The following CADM1 variants were observed in gnomAD, a reference collection of about 807,000 sequenced individuals.
The protein encoded by CADM1 is cell adhesion molecule 1.
CADM1 carries 15 observed loss-of-function variants against 53.1 expected under a neutral mutation model. That is an observed-to-expected ratio of 0.28 (90% CI 0.19 to 0.44). The LOEUF (loss-of-function observed/expected upper bound fraction) is 0.44, where lower values mean the gene tolerates loss of function less well. CADM1 is among the 20% of genes least tolerant of loss of function. The probability of loss-of-function intolerance (pLI) is 1.00; values close to 1 mark genes in which losing one functional copy is unlikely to be tolerated. For missense variants in CADM1, 434 were observed against 611.3 expected, an observed-to-expected ratio of 0.71 and a Z score of 3.06; for synonymous variants, 281 against 243.0, an observed-to-expected ratio of 1.16 and a Z score of -1.45.
At chr11:115,406,920 A>ATT (rs1947329627) in intron 1 of CADM1, among the ~76,000 whole-genome samples, 1 of 151,682 alleles carries the variant, frequency 6.6e-6, no homozygotes, top group East Asian at 1.9e-4. Flanking sequence ...ATTGCACTCC[A>ATT]GCCTGGGCAA....
chr11:115,202,660 A>T (rs1940489875), intron 8 of CADM1, among the ~76,000 whole-genome samples: 1 of 152,204 alleles, frequency 6.6e-6, no homozygotes, highest in South Asian at 2.1e-4. Context: ...ATATTTTAAT[A>T]CACTTTCTCC....
intron 1 of CADM1, chr11:115,377,138 G>C (rs1946459201): frequency 6.6e-6 from 1 of 152,172 alleles, no homozygotes; most frequent in African/African-American, 2.4e-5. Context: ...GACCGTGTCA[G>C]AGTTGTCCTT....
At chr11:115,196,177 C>T (rs1413876796) in intron 9 of CADM1, among the ~76,000 whole-genome samples, 1 of 152,094 alleles carries the variant, frequency 6.6e-6, no homozygotes, top group Non-Finnish European at 1.5e-5. Flanking sequence ...GCTATAAAGT[C>T]CCATTCCAAG....
intron 1 of CADM1, among the ~76,000 whole-genome samples, chr11:115,368,139 T>A (rs1250720744): frequency 6.7e-4 from 74 of 109,796 alleles, no homozygotes; most frequent in African/African-American, 2.1e-3. Context: ...TTTTTTTTTT[T>A]ACTTTCCGGA....
chr11:115,241,398 C>T (rs552871894), intron 1 of CADM1, among the ~76,000 whole-genome samples: 13 of 152,282 alleles, frequency 8.5e-5, no homozygotes, highest in African/African-American at 2.2e-4. Flanking sequence ...GGGTGAAAAC[C>T]GATACCTTAT....
At chr11:115,369,761 C>CA (rs1357355745) in intron 1 of CADM1, among the ~76,000 whole-genome samples, 1 of 152,102 alleles carries the variant, frequency 6.6e-6, no homozygotes, top group Non-Finnish European at 1.5e-5. Context: ...CACGGGTCCA[C>CA]AGCTTTGGTT....
At chr11:115,201,725 C>A (rs1353625146) in intron 8 of CADM1, among the ~76,000 whole-genome samples, 6 of 151,904 alleles carry the variant, frequency 3.9e-5, no homozygotes, top group African/African-American at 1.5e-4. Flanking sequence ...AAAAAAAAAT[C>A]TTTGAGCTAG....
intron 1 of CADM1, among the ~76,000 whole-genome samples, chr11:115,254,217 T>C (rs1942700453): frequency 6.6e-6 from 1 of 152,194 alleles, no homozygotes; most frequent in Admixed American, 6.5e-5. Flanking sequence ...TAATAAATGT[T>C]TATTGAATAA....
rs560268521 is a variant in CADM1, at chr11:115,349,680, TA to T, written c.125-109261del. 7.9e-5 allele frequency among the ~76,000 whole-genome samples: 12 copies of T among 152,278 alleles called. No individual in the cohort carries two copies. The South Asian group carries it at 2.1e-3, about 26-fold the overall frequency. On this transcript the variant is annotated intron_variant, in intron 1 of 11. Coordinates refer to ENST00000331581, the MANE Select transcript of CADM1 (RefSeq NM_001301043.2). ...TTCGTACACTCTCACTAATCCAAAATAGCAAAAACTTGTCATCTTTGTTGCT... is the reference window on the plus strand; with the variant it reads ...TTCGTACACTCTCACTAATCCAAAATGCAAAAACTTGTCATCTTTGTTGCT...
intron 1 of CADM1, among the ~76,000 whole-genome samples, chr11:115,268,488 GT>G (rs1180907733): frequency 1.3e-5 from 2 of 151,932 alleles, no homozygotes; most frequent in Non-Finnish European, 2.9e-5. Flanking sequence ...CTACCTATTT[GT>G]ACTAGGAAAA....
At chr11:115,475,061 G>T in intron 1 of CADM1, among the ~76,000 whole-genome samples, 1 of 152,108 alleles carries the variant, frequency 6.6e-6, no homozygotes. Flanking sequence ...ATTCATGAGA[G>T]ACTGGGTCCA....
intron 1 of CADM1, among the ~76,000 whole-genome samples, chr11:115,366,270 G>C (rs114239992): frequency 6.6e-6 from 1 of 152,186 alleles, no homozygotes; most frequent in African/African-American, 2.4e-5. Context: ...GCCTGTCTCA[G>C]TGCCTCCTTG....
chr11:115,468,161 T>C (rs1427376381), intron 1 of CADM1, among the ~76,000 whole-genome samples: 1 of 152,196 alleles, frequency 6.6e-6, no homozygotes, highest in East Asian at 1.9e-4. Context: ...CTACTTCCAG[T>C]GTTTACCAAA....
intron 1 of CADM1, among the ~76,000 whole-genome samples, chr11:115,295,534 A>AT (rs1565349293): frequency 2.3e-5 from 2 of 85,686 alleles, no homozygotes; most frequent in African/African-American, 1.7e-4. Context: ...ATATATATAT[A>AT]TATATATATA....
At chr11:115,453,743 C>T (rs1374740542) in intron 1 of CADM1, among the ~76,000 whole-genome samples, 1 of 152,158 alleles carries the variant, frequency 6.6e-6, no homozygotes, top group Non-Finnish European at 1.5e-5. Context: ...AAGTGATCTG[C>T]CCACCTCGCC....
At chr11:115,238,053 A>G (rs1284393882) in intron 3 of CADM1, among the ~76,000 whole-genome samples, 2 of 152,204 alleles carry the variant, frequency 1.3e-5, no homozygotes, top group Non-Finnish European at 2.9e-5. Context: ...AAGCCAATGA[A>G]AAGGAGATCA....
intron 1 of CADM1, among the ~76,000 whole-genome samples, chr11:115,409,051 A>T (rs1295250558): frequency 6.6e-6 from 1 of 152,180 alleles, no homozygotes; most frequent in Non-Finnish European, 1.5e-5. Flanking sequence ...GGCAGCTATA[A>T]CGTATATGAA....
At chr11:115,488,884 T>C (rs1016323410) in intron 1 of CADM1, among the ~76,000 whole-genome samples, 2 of 152,248 alleles carry the variant, frequency 1.3e-5, no homozygotes, top group African/African-American at 4.8e-5. Flanking sequence ...ATCTATTTTT[T>C]GATCCTGTAG....
intron 1 of CADM1, among the ~76,000 whole-genome samples, chr11:115,327,801 T>C (rs1262961666): frequency 6.6e-6 from 1 of 152,180 alleles, no homozygotes; most frequent in Non-Finnish European, 1.5e-5. Context: ...CAAGATTAAA[T>C]GAAATTATGC....
Sources: gnomAD v4.1 joint callset for allele counts (sites outside exome capture counted in the v4.1 genomes callset) on GRCh38, gnomAD v4.1.1 for gene constraint, MANE v1.5 for transcripts, NCBI Gene and HGNC (gene_info 2026-07-23, HGNC 2026-07-21) for gene names.